FAT4: variants seen among roughly 807,000 people sequenced by gnomAD.
The protein encoded by FAT4 is protocadherin Fat 4.
Under a neutral mutation model 303.9 loss-of-function variants are expected in FAT4, and 84 were observed. The ratio of observed to expected loss-of-function variants is 0.28; its 90% confidence interval spans 0.23 to 0.33. The LOEUF (loss-of-function observed/expected upper bound fraction) is 0.33, where lower values mean the gene tolerates loss of function less well. Ranked by LOEUF, FAT4 falls within the 10% of genes least tolerant of loss-of-function variation. The probability of loss-of-function intolerance (pLI) is 1.00; values close to 1 mark genes in which losing one functional copy is unlikely to be tolerated. For synonymous variants in FAT4, 2,307 were observed against 2,298.8 expected (o/e 1.00, Z -0.10); for missense variants, 6,005 against 6,146.8 (o/e 0.98, Z 0.77).
In FAT4 at chr4:125,319,836, T is replaced by C. The variant is rs770150371; in HGVS notation, c.3425T>C (p.Val1142Ala). Reference protein sequence around the residue: ...NGEVRYSFEMVQPDFELHAIS... With the variant: ...NGEVRYSFEMAQPDFELHAIS... Reference sequence around the variant, plus strand: ...GAAGTAAGGTATTCTTTTGAAATGGTGCAGCCAGATTTTGAGTTGCATGCC... The same window carrying C: ...GAAGTAAGGTATTCTTTTGAAATGGCGCAGCCAGATTTTGAGTTGCATGCC... The change falls in exon 2 of 18, where the codon GTG (valine) becomes GCG (alanine). Residue 1142 changes from valine to alanine, a missense_variant. Coordinates refer to ENST00000394329, the MANE Select transcript of FAT4 (RefSeq NM_001291303.3). The C allele has an allele frequency of 2.0e-5, 33 of 1,614,160 alleles. No individual in the cohort carries two copies. The South Asian group carries it at 3.5e-4, about 17-fold the overall frequency.
At position 125,451,192 on chromosome 4, in the gene FAT4, T is replaced by A; in HGVS notation, c.10182T>A (p.Asn3394Lys). 1 of 1,614,132 alleles carries A rather than the reference T, an allele frequency of 6.2e-7. No homozygotes were observed. Among genetic ancestry groups the A allele is most frequent in the African/African-American group, 1.3e-5 (1 of 75,048 alleles). The change falls in exon 10 of 18, where the codon AAT (asparagine) becomes AAA (lysine). Residue 3394 changes from asparagine to lysine, a missense_variant. Transcript: ENST00000394329. ...CAGATATAGATGAGGTCACTGTAAA[T>A]GTCACCGTGCTTGATGCAAATGACC... The part of the protein sequence containing the change: ...RGADIDEVTV[N>K]VTVLDANDPP...
At position 125,449,343 on chromosome 4, in the gene FAT4, T is replaced by A. The variant is rs113373856; in HGVS notation, c.8333T>A (p.Ile2778Lys). ...GATAATGCCCCTAGGTTTTCTCAGA[T>A]ATTTAGTGCCCATGTTCCTGAAAAT... ...ENDNAPRFSQ[I>K]FSAHVPENSP... The change falls in exon 10 of 18, where the codon ATA becomes AAA. Residue 2778 changes from isoleucine to lysine, a missense_variant. Coordinates refer to ENST00000394329, the MANE Select transcript of FAT4 (RefSeq NM_001291303.3). 8.7e-6 allele frequency: 14 copies of A among 1,613,972 alleles called. No individual in the cohort carries two copies. Among genetic ancestry groups the A allele is most frequent in the Non-Finnish European group, 1.2e-5 (14 of 1,179,914 alleles).
intron 2 of FAT4, among the ~76,000 whole-genome samples, chr4:125,355,443 G>C (rs994443593): frequency 1.3e-5 from 2 of 151,960 alleles, no homozygotes; most frequent in Non-Finnish European, 2.9e-5. Flanking sequence ...ATTGGATCCT[G>C]GAGTTGTACT....
intron 2 of FAT4, among the ~76,000 whole-genome samples, chr4:125,326,810 A>C (rs539479201): frequency 6.6e-6 from 1 of 152,282 alleles, no homozygotes; most frequent in African/African-American, 2.4e-5. Context: ...CAATTCCTTG[A>C]GGCCAGGATT....
intron 5 of FAT4, among the ~76,000 whole-genome samples, chr4:125,414,460 C>T (rs7662626): frequency 0.045 from 6,837 of 152,044 alleles, 511 homozygotes; most frequent in African/African-American, 0.16. Flanking sequence ...GATTTTGACA[C>T]GAAATATAGA....
intron 10 of FAT4, among the ~76,000 whole-genome samples, chr4:125,458,628 A>G (rs1560621940): frequency 6.6e-6 from 1 of 151,948 alleles, no homozygotes. Context: ...AAAAGCATTA[A>G]TAACGTATGT....
chr4:125,324,142 A>G (rs1356527598), intron 2 of FAT4, among the ~76,000 whole-genome samples: 3 of 152,130 alleles, frequency 2.0e-5, no homozygotes, highest in Admixed American at 6.6e-5. Context: ...AAGATTAATT[A>G]CCTTTTTATT....
intron 2 of FAT4, among the ~76,000 whole-genome samples, chr4:125,352,647 A>C (rs769888386): frequency 3.1e-4 from 47 of 151,778 alleles, no homozygotes; most frequent in Non-Finnish European, 5.8e-4. Context: ...ACATTTAAAA[A>C]ATGGGCTTCC....
rs778407593 is a variant in FAT4, at chr4:125,415,265, C to T, written c.6302C>T (p.Thr2101Ile). 9 of 1,613,864 alleles carry T rather than the reference C, an allele frequency of 5.6e-6. No homozygotes were observed. The highest frequency in any genetic ancestry group is 5.3e-5 in the African/African-American group (4 of 74,872). The change falls in exon 6 of 18, where the codon ACC (threonine) becomes ATC (isoleucine). Residue 2101 changes from threonine to isoleucine, a missense_variant. By Grantham distance (89) the Thr-to-Ile change is moderately conservative. Coordinates refer to ENST00000394329, the MANE Select transcript of FAT4 (RefSeq NM_001291303.3). ...TTGGGAAACAAGTTCAGTATTGGGACCATTGATGGTGAAGTGAGGCTCACT... is the reference window on the plus strand; with the variant it reads ...TTGGGAAACAAGTTCAGTATTGGGATCATTGATGGTGAAGTGAGGCTCACT... The part of the protein sequence containing the change: ...NPLGNKFSIG[T>I]IDGEVRLTGE...
chr4:125,425,946 A>C (rs1725073446), intron 7 of FAT4, among the ~76,000 whole-genome samples: 3 of 152,140 alleles, frequency 2.0e-5, no homozygotes, highest in Non-Finnish European at 2.9e-5. Context: ...GAAAGGGAAT[A>C]TATTTCATTC....
intron 2 of FAT4, among the ~76,000 whole-genome samples, chr4:125,359,992 T>C (rs946468217): frequency 6.6e-6 from 1 of 152,158 alleles, no homozygotes; most frequent in African/African-American, 2.4e-5. Flanking sequence ...ATTCCCTAGA[T>C]GGATTTTCCC....
At chr4:125,410,078 G>A (rs959843052) in intron 5 of FAT4, among the ~76,000 whole-genome samples, 1 of 151,990 alleles carries the variant, frequency 6.6e-6, no homozygotes, top group East Asian at 1.9e-4. Flanking sequence ...AACGATATGA[G>A]AAGCAAAAAG....
chr4:125,463,453 C>T, intron 10 of FAT4, 110 bp from the exon 11 acceptor site: 1 of 512,020 alleles, frequency 2.0e-6, no homozygotes. Flanking sequence ...TTTTATATTT[C>T]TTTTCTCCGT....
chr4:125,439,207 G>A (rs1725560758), intron 8 of FAT4, among the ~76,000 whole-genome samples: 1 of 151,982 alleles, frequency 6.6e-6, no homozygotes, highest in African/African-American at 2.4e-5. Context: ...TTACAGATAT[G>A]TATCCCCTTT....
chr4:125,352,720 A>G (rs1015102451), intron 2 of FAT4, among the ~76,000 whole-genome samples: 50 of 151,700 alleles, frequency 3.3e-4, no homozygotes, highest in African/African-American at 1.2e-3. Context: ...CCTCTCTGAG[A>G]GCTGCCAGTC....
At position 125,407,027 on chromosome 4, in the gene FAT4, G is replaced by C. The variant is rs149058374; in HGVS notation, c.5455G>C (p.Gly1819Arg). 4 of 1,613,660 alleles carry C rather than the reference G, an allele frequency of 2.5e-6. No homozygotes were observed. In the African/African-American group the frequency reaches 4.0e-5, roughly 16 times the overall value. The change falls in exon 4 of 18, where the codon GGT becomes CGT. Residue 1819 changes from glycine to arginine, a missense_variant. Coordinates refer to ENST00000394329, the MANE Select transcript of FAT4 (RefSeq NM_001291303.3). ...TTCACTGCTAGTTCGTGCTGATGATGGTCTTCAGTCCTCGGATATGAGAAT... is the reference window on the plus strand; with the variant it reads ...TTCACTGCTAGTTCGTGCTGATGATCGTCTTCAGTCCTCGGATATGAGAAT... ...KYSLLVRADDGLQSSDMRINI... is the reference protein window; with the variant it reads ...KYSLLVRADDRLQSSDMRINI...
At chr4:125,375,698 T>A (rs763612186) in intron 2 of FAT4, among the ~76,000 whole-genome samples, 43 of 152,240 alleles carry the variant, frequency 2.8e-4, no homozygotes, top group Non-Finnish European at 4.9e-4. Flanking sequence ...TGACTTTTGA[T>A]GTCATCCGTA....
chr4:125,461,118 T>G (rs1726467952), intron 10 of FAT4, among the ~76,000 whole-genome samples: 1 of 152,024 alleles, frequency 6.6e-6, no homozygotes, highest in South Asian at 2.1e-4. Context: ...TAAGTCTTAT[T>G]TGTGTTAGGA....
chr4:125,330,468 ATC>A (rs1345233654), intron 2 of FAT4, among the ~76,000 whole-genome samples: 2 of 152,162 alleles, frequency 1.3e-5, no homozygotes, highest in Non-Finnish European at 2.9e-5. Flanking sequence ...AGCTCAACCA[ATC>A]TCATTCCTTT....
Sources: gnomAD v4.1 joint callset for allele counts (sites outside exome capture counted in the v4.1 genomes callset) on GRCh38, gnomAD v4.1.1 for gene constraint, MANE v1.5 for transcripts, NCBI Gene and HGNC (gene_info 2026-07-23, HGNC 2026-07-21) for gene names.